Variants in CDC42BPA observed in about 807,000 individuals in gnomAD.
CDC42BPA encodes the protein serine/threonine-protein kinase MRCK alpha.
Under a neutral mutation model 223.5 loss-of-function variants are expected in CDC42BPA, and 80 were observed. The ratio of observed to expected loss-of-function variants is 0.36; its 90% CI spans 0.30 to 0.43. CDC42BPA has a LOEUF of 0.43. CDC42BPA is among the 20% of genes least tolerant of loss of function. CDC42BPA has a pLI of 1.00. For synonymous variants in CDC42BPA, 694 were observed against 718.6 expected, an observed-to-expected ratio of 0.97 and a Z score of 0.55; for missense variants, 1,743 against 2,099.9, an observed-to-expected ratio of 0.83 and a Z score of 3.32.
chr1:227,060,854 T>G (rs1034978713), intron 21 of CDC42BPA, among the ~76,000 whole-genome samples: 27 of 151,426 alleles, frequency 1.8e-4, no homozygotes, highest in Admixed American at 9.2e-4. Flanking sequence ...CCCGAGTAGC[T>G]GTGATTACAA....
At chr1:227,111,328 C>T (rs1339979496) in intron 14 of CDC42BPA, among the ~76,000 whole-genome samples, 1 of 152,144 alleles carries the variant, frequency 6.6e-6, no homozygotes, top group Non-Finnish European at 1.5e-5. Context: ...GTAAAAATAT[C>T]ACGTCAATTT....
intron 1 of CDC42BPA, among the ~76,000 whole-genome samples, chr1:227,273,951 G>A (rs1686446293): frequency 7.1e-6 from 1 of 140,530 alleles, no homozygotes; most frequent in Admixed American, 7.7e-5. Context: ...GGTGGTGGGG[G>A]GAGGTGTTTC....
chr1:227,130,288 G>A (rs944869989), intron 10 of CDC42BPA, among the ~76,000 whole-genome samples: 17 of 151,280 alleles, frequency 1.1e-4, no homozygotes, highest in Non-Finnish European at 2.2e-4. Flanking sequence ...GCATATGTAC[G>A]TGTGTGTGTG....
At chr1:227,134,082 C>T (rs897987451) in intron 10 of CDC42BPA, among the ~76,000 whole-genome samples, 1 of 152,144 alleles carries the variant, frequency 6.6e-6, no homozygotes, top group African/African-American at 2.4e-5. Flanking sequence ...CAGCTTACTA[C>T]TCTAGGGACC....
At chr1:227,149,812 A>G (rs1302285921) in intron 6 of CDC42BPA, among the ~76,000 whole-genome samples, 1 of 152,248 alleles carries the variant, frequency 6.6e-6, no homozygotes, top group Non-Finnish European at 1.5e-5. Flanking sequence ...AGTTCAACAT[A>G]GTATAAGAGA....
chr1:227,186,729 A>AGG (rs1175278852), intron 5 of CDC42BPA, among the ~76,000 whole-genome samples: 1 of 152,204 alleles, frequency 6.6e-6, no homozygotes, highest in East Asian at 1.9e-4. Context: ...GAAAAGAAAA[A>AGG]GAGCTCAAAG....
chr1:227,264,835 C>T (rs1684706429), intron 1 of CDC42BPA: 1 of 1,504,882 alleles, frequency 6.6e-7, no homozygotes, highest in East Asian at 2.3e-5. Flanking sequence ...TTGTGTATGC[C>T]ACTGTAATTC....
chr1:227,311,421 C>A (rs750197682), intron 1 of CDC42BPA, among the ~76,000 whole-genome samples: 23 of 152,100 alleles, frequency 1.5e-4, no homozygotes, highest in Non-Finnish European at 2.4e-4. Flanking sequence ...GTTTCCTGAG[C>A]AACAAATGAT....
chr1:227,031,559 C>T, intron 27 of CDC42BPA, 45 bp from the exon 28 acceptor site: 1 of 1,463,340 alleles, frequency 6.8e-7, no homozygotes, highest in East Asian at 2.3e-5. Flanking sequence ...AAACAGACAC[C>T]CTTTATGCTA....
chr1:227,249,849 T>C (rs909329357), intron 2 of CDC42BPA, among the ~76,000 whole-genome samples: 5 of 151,718 alleles, frequency 3.3e-5, no homozygotes, highest in Admixed American at 6.6e-5. Flanking sequence ...GATTAATGAG[T>C]ACAAAAAAAA....
rs1666342680 is a variant in CDC42BPA at position 227,016,714 on chromosome 1, AT to A, written c.4739+212del. Among the ~76,000 whole-genome samples the A allele has an allele frequency of 2.0e-5, 3 of 152,246 alleles. No individual in the cohort carries two copies. In the South Asian group the frequency reaches 6.2e-4, roughly 32 times the overall value. ...AGAGAAGTGAATGAAGTGAATAAAA[AT>A]ATGGTACTTTAATCCAGTGCATACT... is the stretch of plus-strand genomic sequence containing the variant. On this transcript the variant is annotated intron_variant, in intron 33 of 36. Transcript: ENST00000366766.
At chr1:227,037,914 C>T (rs1403165936) in intron 24 of CDC42BPA, among the ~76,000 whole-genome samples, 1 of 151,994 alleles carries the variant, frequency 6.6e-6, no homozygotes, top group Non-Finnish European at 1.5e-5. Context: ...TTGAAAAGAG[C>T]CCCTATCAGA....
intron 35 of CDC42BPA, among the ~76,000 whole-genome samples, chr1:226,996,145 T>G (rs542148767): frequency 1.3e-3 from 192 of 152,334 alleles, no homozygotes; most frequent in Non-Finnish European, 2.5e-3. Context: ...ACAGGCTCGC[T>G]GGCATTTCCT....
At chr1:227,131,683 C>T (rs1420113712) in intron 10 of CDC42BPA, among the ~76,000 whole-genome samples, 1 of 152,144 alleles carries the variant, frequency 6.6e-6, no homozygotes, top group Non-Finnish European at 1.5e-5. Flanking sequence ...CCAAAGTTTA[C>T]ATCTGAAAGT....
chr1:227,284,068 T>C (rs1688433883), intron 1 of CDC42BPA, among the ~76,000 whole-genome samples: 1 of 152,138 alleles, frequency 6.6e-6, no homozygotes, highest in South Asian at 2.1e-4. Context: ...AAAATATATA[T>C]ACTTTTTAAT....
intron 31 of CDC42BPA, 140 bp from the exon 32 acceptor site, chr1:227,023,487 CAAT>C (rs1239239430): frequency 1.4e-5 from 7 of 498,432 alleles, no homozygotes; most frequent in Non-Finnish European, 7.0e-6. Flanking sequence ...GAAAAATCAA[CAAT>C]AATTCTGACT....
intron 1 of CDC42BPA, among the ~76,000 whole-genome samples, chr1:227,273,197 T>C (rs9426556): frequency 0.32 from 47,059 of 147,328 alleles, 7,462 homozygotes; most frequent in East Asian, 0.38. Context: ...ACTCGGGAGG[T>C]TGAGGCAGGA....
At chr1:227,009,167 T>C (rs758306929) in intron 34 of CDC42BPA, among the ~76,000 whole-genome samples, 1 of 152,234 alleles carries the variant, frequency 6.6e-6, no homozygotes, top group Non-Finnish European at 1.5e-5. Flanking sequence ...TTAGTAGCTT[T>C]ATTACTTAGG....
intron 4 of CDC42BPA, among the ~76,000 whole-genome samples, chr1:227,195,837 G>A (rs1670587067): frequency 6.6e-6 from 1 of 152,120 alleles, no homozygotes; most frequent in African/African-American, 2.4e-5. Flanking sequence ...AACATAGACT[G>A]AGAGGTAATA....
Sources: gnomAD v4.1 joint callset for allele counts (sites outside exome capture counted in the v4.1 genomes callset) on GRCh38, gnomAD v4.1.1 for gene constraint, MANE v1.5 for transcripts, NCBI Gene and HGNC (gene_info 2026-07-23, HGNC 2026-07-21) for gene names.